IVNS1ABP: variants seen among roughly 807,000 people sequenced by gnomAD.
IVNS1ABP encodes influenza virus NS1A binding protein, also known as influenza virus NS1A-binding protein.
A neutral mutation model predicts 78.9 loss-of-function variants in IVNS1ABP; 25 were observed. The ratio of observed to expected loss-of-function variants is 0.32; its 90% CI spans 0.23 to 0.44. The LOEUF is 0.44. Ranked by LOEUF, IVNS1ABP falls within the 20% of genes least tolerant of loss-of-function variation. The pLI is 1.00. For synonymous variants in IVNS1ABP, 241 were observed against 259.7 expected (o/e 0.93, Z 0.69); for missense variants, 494 against 768.9 (o/e 0.64, Z 4.23).
chr1:185,299,331 G>C (rs368087396), intron 14 of IVNS1ABP: 130 of 248,334 alleles, frequency 5.2e-4, no homozygotes, highest in African/African-American at 2.8e-3. Flanking sequence ...ATTAGGTATG[G>C]AGTAGACAGT....
chr1:185,304,319 A>G (rs1469276109), intron 8 of IVNS1ABP, among the ~76,000 whole-genome samples: 1 of 152,162 alleles, frequency 6.6e-6, no homozygotes, highest in Admixed American at 6.5e-5. Flanking sequence ...CATGTTGAAA[A>G]TGTACTTTTA....
In IVNS1ABP at chr1:185,312,101, T is replaced by G. The variant is rs552471171; in HGVS notation, c.-246-779A>C. Among the ~76,000 whole-genome samples, 4 of 152,326 alleles carry G rather than the reference T, an allele frequency of 2.6e-5. No homozygotes were observed. The South Asian group carries it at 8.3e-4, about 32-fold the overall frequency. On this transcript the variant is annotated intron_variant, in intron 1 of 14. Coordinates refer to ENST00000367498, the MANE Select transcript of IVNS1ABP (RefSeq NM_006469.5). ...CTAAAAACTTGAACATAAAGATGAG[T>G]AATTTGTTGGAATAAACTAAACAGA...
intron 9 of IVNS1ABP, 36 bp downstream of exon 9, chr1:185,301,398 A>C (rs777877366): frequency 6.2e-7 from 1 of 1,608,218 alleles, no homozygotes. Context: ...AAAAATAGGT[A>C]AGCTGAAAAC....
chr1:185,307,431 C>T, intron 6 of IVNS1ABP, 58 bp downstream of exon 6: 1 of 1,337,728 alleles, frequency 7.5e-7, no homozygotes, highest in Non-Finnish European at 1.0e-6. Context: ...AAACACAGAC[C>T]AAGATTCCAC....
rs558645990 is a variant in IVNS1ABP at position 185,305,228 on chromosome 1, A to G, written c.765+308T>C. ...TAAAAAAAACTATCAGTCATGCCTGACACAAACAACTGCTTTTCATAATCT... is the reference window on the plus strand; with the variant it reads ...TAAAAAAAACTATCAGTCATGCCTGGCACAAACAACTGCTTTTCATAATCT... On this transcript the variant is annotated intron_variant, in intron 8 of 14. Coordinates refer to ENST00000367498, the MANE Select transcript of IVNS1ABP (RefSeq NM_006469.5). The surrounding 1 kb of genome is among the most constrained non-coding windows in gnomAD (Gnocchi z 4.0). Among the ~76,000 whole-genome samples the G allele has an allele frequency of 3.4e-4, 52 of 152,326 alleles. No homozygotes were observed. The highest frequency in any genetic ancestry group is 1.3e-3 in the African/African-American group (52 of 41,586).
At chr1:185,299,945 C>T in intron 13 of IVNS1ABP, 54 bp downstream of exon 13, 1 of 1,607,368 alleles carries the variant, frequency 6.2e-7, no homozygotes, top group Non-Finnish European at 8.5e-7. Context: ...GTATACTACA[C>T]ATACTGTTGA....
intron 1 of IVNS1ABP, among the ~76,000 whole-genome samples, chr1:185,313,819 T>C (rs1467737619): frequency 2.0e-5 from 3 of 152,148 alleles, no homozygotes; most frequent in African/African-American, 7.2e-5. Context: ...AAATTAAAAC[T>C]AGGATCAAAT....
chr1:185,301,336 T>C (rs1665592124), intron 9 of IVNS1ABP, 98 bp downstream of exon 9: 1 of 1,498,506 alleles, frequency 6.7e-7, no homozygotes, highest in African/African-American at 1.4e-5. Flanking sequence ...CTTCTGAGTT[T>C]TTTCCTCGAG....
intron 2 of IVNS1ABP, among the ~76,000 whole-genome samples, chr1:185,309,769 T>C (rs1665836468): frequency 6.6e-6 from 1 of 152,144 alleles, no homozygotes; most frequent in Admixed American, 6.5e-5. Flanking sequence ...CAGGTTCCCA[T>C]GCCCATTAAG....
intron 2 of IVNS1ABP, among the ~76,000 whole-genome samples, chr1:185,310,597 T>C (rs1455772273): frequency 1.3e-5 from 2 of 151,938 alleles, no homozygotes; most frequent in Non-Finnish European, 2.9e-5. Flanking sequence ...AGAGACTCCA[T>C]CTTAAAAAAA....
intron 2 of IVNS1ABP, among the ~76,000 whole-genome samples, chr1:185,310,500 T>A (rs920690763): frequency 6.6e-5 from 10 of 151,960 alleles, no homozygotes; most frequent in African/African-American, 2.4e-4. Flanking sequence ...CCCAGCTACT[T>A]GTGGGGGCTG....
intron 1 of IVNS1ABP, among the ~76,000 whole-genome samples, chr1:185,313,836 T>C (rs1189323789): frequency 6.6e-6 from 1 of 152,196 alleles, no homozygotes; most frequent in African/African-American, 2.4e-5. Context: ...AAATACAATA[T>C]ATTCAGATAA....
At chr1:185,309,587 C>T in intron 2 of IVNS1ABP, 76 bp from the exon 3 acceptor site, 1 of 743,364 alleles carries the variant, frequency 1.3e-6, no homozygotes, top group Non-Finnish European at 2.3e-6. Flanking sequence ...AAGAGTAATA[C>T]AGTCTCTTTA....
chr1:185,300,764 A>T, intron 10 of IVNS1ABP: 1 of 698,002 alleles, frequency 1.4e-6, no homozygotes, highest in Non-Finnish European at 2.3e-6. Context: ...CTTGGCTTGA[A>T]TATTAGAAAA....
rs143303929 is a variant in IVNS1ABP at position 185,299,799 on chromosome 1, A to C, written c.1586T>G (p.Val529Gly). 4.6e-5 allele frequency: 75 copies of C among 1,613,712 alleles called. No homozygotes were observed. The East Asian group carries it at 9.8e-4, about 21-fold the overall frequency. The change falls in exon 14 of 15, where the codon GTA becomes GGA. Residue 529 changes from valine to glycine, a missense_variant. By Grantham distance (109) the Val-to-Gly change is moderately radical. Transcript: ENST00000367498. ...GAESWNCLNT[V>G]ERYNPENNTW... ...ATTATTTTCAGGATTGTATCGTTCT[A>C]CTGTGTTCAGACAATTCCAAGATTC... is the stretch of plus-strand genomic sequence containing the variant.
At position 185,311,237 on chromosome 1, in the gene IVNS1ABP, C is replaced by CAAAACT. The variant is rs1665879000; in HGVS notation, c.-167_-162dup. 2.5e-6 allele frequency: 1 copy of CAAAACT among 397,132 alleles called. No individual in the cohort carries two copies. Among genetic ancestry groups the CAAAACT allele is most frequent in the East Asian group, 3.6e-5 (1 of 27,968 alleles). The allele number at this position is 397,132 out of a possible 1,614,324, so 24.6% of individuals were successfully genotyped here. On this transcript the variant is annotated 5_prime_UTR_variant, in exon 2 of 15. Coordinates refer to ENST00000367498, the MANE Select transcript of IVNS1ABP (RefSeq NM_006469.5). ...GTGTCTTAAGCTCTAATGGTGATTC[C>CAAAACT]AAAACTATCAGGCTTGAAAATGATG... is the stretch of plus-strand genomic sequence containing the variant.
rs1427154061 is a variant in IVNS1ABP, at chr1:185,305,376, A to G, written c.765+160T>C. The G allele has an allele frequency of 6.6e-6, 2 of 305,208 alleles. No homozygotes were observed. Among genetic ancestry groups the G allele is most frequent in the Non-Finnish European group, 9.6e-6 (2 of 208,338 alleles). The allele number at this position is 305,208 out of a possible 1,614,324, so 18.9% of individuals were successfully genotyped here. The stretch of plus-strand genomic sequence containing the variant: ...TAATATCTTTTCATGTGGCAAAAAT[A>G]CTAACTCTAAGATATGCTTGTTTTC... On this transcript the variant is annotated intron_variant, in intron 8 of 14. Transcript: ENST00000367498. This position sits in a 1 kb window ranked among gnomAD's most constrained non-coding sequence, Gnocchi z 4.0.
In IVNS1ABP at chr1:185,313,093, C is replaced by T. The variant is rs79126159; in HGVS notation, c.-246-1771G>A. 4.7e-3 allele frequency among the ~76,000 whole-genome samples: 722 copies of T among 152,254 alleles called. 5 individuals are homozygous for T. Among genetic ancestry groups the T allele is most frequent in the African/African-American group, 0.016 (670 of 41,552 alleles). On this transcript the variant is annotated intron_variant, in intron 1 of 14. Coordinates refer to ENST00000367498, the MANE Select transcript of IVNS1ABP (RefSeq NM_006469.5). ...TAACAAAAAATAAAAATGGTATCCA[C>T]TTACTATATTTGACAAATTGAATGA...
Position 185,300,337 on chromosome 1 carries a change from G to T in IVNS1ABP, c.1249C>A (p.Leu417Ile), listed in dbSNP as rs765324156. ...CCATTTGATCCACCTACCACATAGAGCTGGCCCTATGCCAAAAGTGAGAGA... is the reference window on the plus strand; with the variant it reads ...CCATTTGATCCACCTACCACATAGATCTGGCCCTATGCCAAAAGTGAGAGA... ...RFQMAVLMGQ[L>I]YVVGGSNGHS... is the part of the protein sequence containing the mutation. The change falls in exon 12 of 15, where the codon CTC (leucine) becomes ATC (isoleucine). Residue 417 changes from leucine to isoleucine, a missense_variant. Physicochemically the swap from Leu to Ile is conservative, Grantham distance 5. Transcript: ENST00000367498. The T allele has an allele frequency of 6.2e-7, 1 of 1,613,478 alleles. No homozygotes were observed. Among genetic ancestry groups the T allele is most frequent in the Non-Finnish European group, 8.5e-7 (1 of 1,179,734 alleles).
Sources: allele counts gnomAD v4.1 joint callset (sites outside exome capture counted in the v4.1 genomes callset), GRCh38; gene constraint gnomAD v4.1.1; non-coding constraint Gnocchi (gnomAD v3.1); transcripts MANE v1.5; gene names NCBI Gene and HGNC (gene_info 2026-07-23, HGNC 2026-07-21).